The following NXPH1 variants were observed in gnomAD, a reference collection of about 807,000 sequenced individuals.
The protein encoded by NXPH1 is neurexophilin-1.
Under a neutral mutation model 23.7 loss-of-function variants are expected in NXPH1, and 5 were observed. The ratio of observed to expected loss-of-function variants is 0.21; its 90% confidence interval spans 0.11 to 0.44. NXPH1 has a LOEUF of 0.44. NXPH1 is among the 20% of genes least tolerant of loss of function. NXPH1 has a pLI of 0.99. For synonymous variants in NXPH1, 144 were observed against 122.2 expected (o/e 1.18, Z -1.18); for missense variants, 324 against 321.6 (o/e 1.01, Z -0.06).
chr7:8,524,220 T>C (rs56082701), intron 2 of NXPH1, among the ~76,000 whole-genome samples: 48,560 of 127,808 alleles, frequency 0.38, 8,626 homozygotes, highest in Middle Eastern at 0.48. Context: ...CCAGTCTGGG[T>C]GACAGAGTGA....
intron 2 of NXPH1, among the ~76,000 whole-genome samples, chr7:8,747,398 C>CATATTCACT (rs997588496): frequency 3.9e-5 from 6 of 152,160 alleles, no homozygotes; most frequent in African/African-American, 1.4e-4. Context: ...TCACTACTTC[C>CATATTCACT]ACAAGTTTTA....
intron 2 of NXPH1, among the ~76,000 whole-genome samples, chr7:8,673,306 G>A (rs895597894): frequency 6.6e-6 from 1 of 152,150 alleles, no homozygotes; most frequent in Non-Finnish European, 1.5e-5. Flanking sequence ...CAATTAAGAT[G>A]CATGCTTTTA....
intron 2 of NXPH1, among the ~76,000 whole-genome samples, chr7:8,651,500 C>T (rs4391335): frequency 6.7e-6 from 1 of 149,582 alleles, no homozygotes; most frequent in South Asian, 2.2e-4. Context: ...AATGGGATGG[C>T]TGGGTCAAAT....
chr7:8,682,719 C>T (rs1245977255), intron 2 of NXPH1, among the ~76,000 whole-genome samples: 1 of 152,122 alleles, frequency 6.6e-6, no homozygotes, highest in Non-Finnish European at 1.5e-5. Context: ...AAGTATTGAC[C>T]ATCAGTCAGA....
At chr7:8,688,558 C>G (rs182700728) in intron 2 of NXPH1, among the ~76,000 whole-genome samples, 75 of 152,260 alleles carry the variant, frequency 4.9e-4, no homozygotes, top group Non-Finnish European at 1.0e-3. Flanking sequence ...GATTACAGGT[C>G]ATTGATCTGT....
intron 2 of NXPH1, among the ~76,000 whole-genome samples, chr7:8,474,704 C>G (rs932206670): frequency 2.6e-5 from 4 of 152,156 alleles, no homozygotes; most frequent in Non-Finnish European, 5.9e-5. Context: ...TTCACTCAAT[C>G]TAGCCCTGAT....
chr7:8,602,235 G>A (rs1289659847), intron 2 of NXPH1, among the ~76,000 whole-genome samples: 2 of 152,076 alleles, frequency 1.3e-5, no homozygotes, highest in African/African-American at 4.8e-5. Context: ...ATTTAAAATA[G>A]TTTTGTAAGT....
chr7:8,617,903 T>C (rs1247126040), intron 2 of NXPH1, among the ~76,000 whole-genome samples: 1 of 152,170 alleles, frequency 6.6e-6, no homozygotes, highest in African/African-American at 2.4e-5. Flanking sequence ...ATATCTCATG[T>C]ACTCCCATAA....
At chr7:8,437,513 G>A (rs1737767714) in intron 2 of NXPH1, among the ~76,000 whole-genome samples, 1 of 152,318 alleles carries the variant, frequency 6.6e-6, no homozygotes, top group Admixed American at 6.5e-5. Flanking sequence ...TCCTTGGGCT[G>A]TGCTCACACA....
intron 2 of NXPH1, among the ~76,000 whole-genome samples, chr7:8,501,169 G>T (rs564177212): frequency 7.2e-5 from 11 of 152,146 alleles, no homozygotes; most frequent in Admixed American, 1.3e-4. Context: ...GCTCTTTTGA[G>T]CTCTAGGGAT....
At chr7:8,637,865 C>T (rs778776101) in intron 2 of NXPH1, among the ~76,000 whole-genome samples, 8 of 152,124 alleles carry the variant, frequency 5.3e-5, no homozygotes, top group South Asian at 2.1e-4. Flanking sequence ...TTTGGTGATA[C>T]GATTTAAAGC....
chr7:8,455,085 C>T (rs1234014621), intron 2 of NXPH1, among the ~76,000 whole-genome samples: 1 of 151,986 alleles, frequency 6.6e-6, no homozygotes, highest in Non-Finnish European at 1.5e-5. Context: ...ATGTTTGTGT[C>T]TTAGATTATC....
In NXPH1 at chr7:8,752,197, AG is replaced by A; in HGVS notation, c.*429del. 5.9e-6 allele frequency: 1 copy of A among 168,822 alleles called. No individual in the cohort carries two copies. The highest frequency in any genetic ancestry group is 1.3e-5 in the Non-Finnish European group (1 of 76,420). 10.5% of individuals were successfully genotyped at this position (168,822 alleles called of 1,614,324 possible). On this transcript the variant is annotated 3_prime_UTR_variant, in exon 3 of 3. Coordinates refer to ENST00000405863, the MANE Select transcript of NXPH1 (RefSeq NM_152745.3). ...TATGGAAATCTCTTTTAAAGTCTTG[AG>A]TACATGCTAATCAATAATCTCCACT...
At chr7:8,499,469 T>C (rs1165972202) in intron 2 of NXPH1, among the ~76,000 whole-genome samples, 1 of 152,048 alleles carries the variant, frequency 6.6e-6, no homozygotes, top group Non-Finnish European at 1.5e-5. Context: ...CAAAGGCTAG[T>C]CTGGATTTGG....
At chr7:8,540,673 T>C (rs2128618424) in intron 2 of NXPH1, among the ~76,000 whole-genome samples, 1 of 151,888 alleles carries the variant, frequency 6.6e-6, no homozygotes, top group Non-Finnish European at 1.5e-5. Flanking sequence ...TTCAATTCAG[T>C]GGAATAATAA....
At chr7:8,645,908 A>C (rs12702755) in intron 2 of NXPH1, among the ~76,000 whole-genome samples, 110,985 of 151,900 alleles carry the variant, frequency 0.73, 40,995 homozygotes, top group East Asian at 1. Context: ...TTGTCTCTGT[A>C]ATCTTTTTGC....
At chr7:8,604,038 C>T (rs764469536) in intron 2 of NXPH1, among the ~76,000 whole-genome samples, 5 of 151,794 alleles carry the variant, frequency 3.3e-5, no homozygotes, top group Admixed American at 6.6e-5. Context: ...GTTAGCTATG[C>T]GATATCATCA....
chr7:8,446,277 C>A (rs1194047821), intron 2 of NXPH1, among the ~76,000 whole-genome samples: 3 of 152,136 alleles, frequency 2.0e-5, no homozygotes, highest in Non-Finnish European at 4.4e-5. Flanking sequence ...TGGGTTGTCC[C>A]TTCTTTTATG....
At chr7:8,690,012 C>T (rs1204860650) in intron 2 of NXPH1, among the ~76,000 whole-genome samples, 1 of 152,106 alleles carries the variant, frequency 6.6e-6, no homozygotes, top group Non-Finnish European at 1.5e-5. Context: ...ATATGAATTG[C>T]CTTTCCTTTT....
Sources: gnomAD v4.1 joint callset for allele counts (sites outside exome capture counted in the v4.1 genomes callset) on GRCh38, gnomAD v4.1.1 for gene constraint, MANE v1.5 for transcripts, NCBI Gene and HGNC (gene_info 2026-07-23, HGNC 2026-07-21) for gene names.